The following MCUB variants were observed in gnomAD, a reference collection of about 807,000 sequenced individuals.
MCUB encodes mitochondrial calcium uniporter dominant negative subunit beta, also known as calcium uniporter regulatory subunit MCUb, mitochondrial.
MCUB carries 46 observed loss-of-function variants against 41.4 expected under a neutral mutation model. The ratio of observed to expected loss-of-function variants is 1.11; its 90% confidence interval spans 0.88 to 1.42. The LOEUF (loss-of-function observed/expected upper bound fraction) is 1.42, where lower values mean the gene tolerates loss of function less well. Among genes scored for constraint, MCUB ranks in the 40% most tolerant of loss-of-function variants. MCUB has a pLI of 0.00. For synonymous variants in MCUB, 148 were observed against 148.2 expected (o/e 1.00, Z 0.01); for missense variants, 403 against 404.9 (o/e 1.00, Z 0.04).
chr4:109,682,962 A>G, intron 5 of MCUB: 1 of 432,504 alleles, frequency 2.3e-6, no homozygotes, highest in Non-Finnish European at 4.1e-6. Context: ...CCTGGACTTG[A>G]GCTCACGTGG....
intron 1 of MCUB, among the ~76,000 whole-genome samples, chr4:109,586,285 A>T (rs919277934): frequency 6.6e-6 from 1 of 152,120 alleles, no homozygotes; most frequent in Non-Finnish European, 1.5e-5. Flanking sequence ...TTCTCGTGCC[A>T]TGGTTTTCAG....
chr4:109,594,419 T>C (rs1388596354), intron 1 of MCUB, among the ~76,000 whole-genome samples: 2 of 152,194 alleles, frequency 1.3e-5, no homozygotes, highest in Non-Finnish European at 2.9e-5. Context: ...TGAAGCCCAC[T>C]GTCATATTAC....
chr4:109,617,101 T>C lies in MCUB; in HGVS notation c.100-41910T>C, dbSNP rs1170020211. Among the ~76,000 whole-genome samples, 4 of 152,188 alleles carry C rather than the reference T, an allele frequency of 2.6e-5. No homozygotes were observed. In the East Asian group the frequency reaches 7.7e-4, roughly 29 times the overall value. On this transcript the variant is annotated intron_variant, in intron 1 of 7. Coordinates refer to ENST00000394650, the MANE Select transcript of MCUB (RefSeq NM_017918.5). ...TTTGTAACACTATCAGCATTTTGAT[T>C]TACCTATCTTCACTGTTTTACATAA...
intron 1 of MCUB, among the ~76,000 whole-genome samples, chr4:109,565,102 T>G (rs1302026910): frequency 6.6e-6 from 1 of 152,238 alleles, no homozygotes; most frequent in Admixed American, 6.5e-5. Context: ...AAAACCTTAT[T>G]TATGCATCAC....
At chr4:109,654,282 T>G (rs1729027242) in intron 1 of MCUB, among the ~76,000 whole-genome samples, 1 of 152,186 alleles carries the variant, frequency 6.6e-6, no homozygotes, top group Non-Finnish European at 1.5e-5. Flanking sequence ...ATTACCAGCA[T>G]AAGATCCCTG....
At chr4:109,625,935 C>G (rs973992704) in intron 1 of MCUB, among the ~76,000 whole-genome samples, 1 of 152,070 alleles carries the variant, frequency 6.6e-6, no homozygotes, top group African/African-American at 2.4e-5. Flanking sequence ...AAGTCTTTTC[C>G]TTAATGATTT....
chr4:109,571,447 G>A (rs1340186620), intron 1 of MCUB, among the ~76,000 whole-genome samples: 1 of 152,060 alleles, frequency 6.6e-6, no homozygotes, highest in Non-Finnish European at 1.5e-5. Flanking sequence ...TGAGTAGCTG[G>A]GACTATAGGC....
chr4:109,629,697 GGA>G (rs1728433496), intron 1 of MCUB, among the ~76,000 whole-genome samples: 3 of 152,172 alleles, frequency 2.0e-5, no homozygotes, highest in Non-Finnish European at 1.5e-5. Context: ...GGATACAGAT[GGA>G]GAGATGCATA....
At chr4:109,585,809 G>C (rs187417057) in intron 1 of MCUB, among the ~76,000 whole-genome samples, 6 of 152,198 alleles carry the variant, frequency 3.9e-5, no homozygotes, top group Non-Finnish European at 5.9e-5. Context: ...AGTTTCTGCC[G>C]AGAGATCGGC....
intron 1 of MCUB, among the ~76,000 whole-genome samples, chr4:109,647,522 G>A (rs1290404309): frequency 2.0e-5 from 3 of 151,342 alleles, no homozygotes; most frequent in African/African-American, 4.8e-5. Flanking sequence ...AGCTCATTTC[G>A]TTTTAGTGCT....
chr4:109,573,753 T>C (rs1726966696), intron 1 of MCUB, among the ~76,000 whole-genome samples: 1 of 152,172 alleles, frequency 6.6e-6, no homozygotes, highest in African/African-American at 2.4e-5. Flanking sequence ...GGCATTGTGT[T>C]TTGTTACTGG....
intron 7 of MCUB, 64 bp from the exon 8 acceptor site, chr4:109,687,451 A>C (rs1472915641): frequency 2.7e-6 from 3 of 1,118,842 alleles, no homozygotes; most frequent in Non-Finnish European, 4.1e-6. Flanking sequence ...AATTCCTCTC[A>C]AGCAGTAATG....
intron 1 of MCUB, among the ~76,000 whole-genome samples, chr4:109,587,430 C>T (rs1727335623): frequency 6.6e-6 from 1 of 152,192 alleles, no homozygotes; most frequent in Non-Finnish European, 1.5e-5. Context: ...GAGGCGATGC[C>T]CTGCCCTGAT....
chr4:109,670,288 C>T (rs1435704414), intron 4 of MCUB, among the ~76,000 whole-genome samples: 2 of 152,162 alleles, frequency 1.3e-5, no homozygotes, highest in Non-Finnish European at 2.9e-5. Context: ...CCCCCCACCA[C>T]CTTAGGTGGG....
intron 3 of MCUB, 35 bp downstream of exon 3, chr4:109,660,400 G>T: frequency 7.7e-7 from 1 of 1,300,228 alleles, no homozygotes; most frequent in South Asian, 1.4e-5. Context: ...CTTTGTCCCA[G>T]GGTTTCTGTC....
At chr4:109,679,841 A>G (rs79540995) in intron 4 of MCUB, among the ~76,000 whole-genome samples, 101,955 of 151,498 alleles carry the variant, frequency 0.67, 34,525 homozygotes, top group South Asian at 0.74. Context: ...TCTCTGTGTC[A>G]CCCAGGCTGG....
intron 5 of MCUB, among the ~76,000 whole-genome samples, chr4:109,684,061 TTTTC>T (rs1469196150): frequency 5.0e-5 from 7 of 140,012 alleles, no homozygotes; most frequent in Non-Finnish European, 9.3e-5. Context: ...AGAGTTCCTC[TTTTC>T]TTTTTTTTTT....
At chr4:109,564,203 G>C (rs924945513) in intron 1 of MCUB, among the ~76,000 whole-genome samples, 1 of 151,640 alleles carries the variant, frequency 6.6e-6, no homozygotes, top group Non-Finnish European at 1.5e-5. Context: ...CGCAATCTCA[G>C]TTCACTGCAA....
intron 1 of MCUB, among the ~76,000 whole-genome samples, chr4:109,645,013 C>T (rs1418241804): frequency 6.6e-6 from 1 of 152,142 alleles, no homozygotes; most frequent in East Asian, 1.9e-4. Flanking sequence ...CCTGGAGCAA[C>T]AAGCCTCCCC....
Sources: allele counts gnomAD v4.1 joint callset (sites outside exome capture counted in the v4.1 genomes callset), GRCh38; gene constraint gnomAD v4.1.1; transcripts MANE v1.5; gene names NCBI Gene and HGNC (gene_info 2026-07-23, HGNC 2026-07-21).